LMLN: variants seen among roughly 807,000 people sequenced by gnomAD.
The protein encoded by LMLN is leishmanolysin like peptidase.
Under a neutral mutation model 92.3 loss-of-function variants are expected in LMLN, and 70 were observed. The observed-to-expected ratio is 0.76, with a 90% CI of 0.63 to 0.92. The LOEUF (loss-of-function observed/expected upper bound fraction) is 0.92, where lower values mean the gene tolerates loss of function less well. Among genes scored for constraint, LMLN ranks in the 40% least tolerant of loss-of-function variants. The pLI, the probability that LMLN is intolerant of heterozygous loss-of-function variation, is 0.00. For synonymous variants in LMLN, 308 were observed against 296.2 expected, an observed-to-expected ratio of 1.04 and a Z score of -0.41; for missense variants, 691 against 814.6, an observed-to-expected ratio of 0.85 and a Z score of 1.85.
At chr3:198,015,593 T>G (rs1240810729) in intron 11 of LMLN, among the ~76,000 whole-genome samples, 5 of 137,104 alleles carry the variant, frequency 3.6e-5, no homozygotes, top group Admixed American at 1.4e-4. Context: ...GCCCCCTAAC[T>G]AGTCTGACTT....
Position 197,976,664 on chromosome 3 carries a change from T to A in LMLN, c.498T>A (p.Cys166Ter). Reference sequence around the variant, plus strand: ...CTCACAGGTACTGCACCGGGGAGTGTGCCGCACACACAAAGTGCGGCCCCG... The same window carrying A: ...CTCACAGGTACTGCACCGGGGAGTGAGCCGCACACACAAAGTGCGGCCCCG... Residue 166 changes from cysteine (C) to a stop codon, truncating the protein, a stop_gained, in exon 5 of 16, where the codon TGT (cysteine) becomes TGA (stop). Coordinates refer to ENST00000330198, the Ensembl canonical transcript of LMLN. LOFTEE classifies it high-confidence loss of function. The A allele has an allele frequency of 6.3e-7, 1 of 1,593,238 alleles. No homozygotes were observed. The highest frequency in any genetic ancestry group is 1.1e-5 in the South Asian group (1 of 88,934).
chr3:197,968,149 AT>A (rs1343838350), intron 1 of LMLN, among the ~76,000 whole-genome samples: 2 of 152,228 alleles, frequency 1.3e-5, no homozygotes, highest in Admixed American at 6.5e-5. Context: ...AGATTAAGAG[AT>A]TAAAGTAAGA....
At chr3:197,962,367 C>T (rs1034603423) in intron 1 of LMLN, among the ~76,000 whole-genome samples, 1 of 152,090 alleles carries the variant, frequency 6.6e-6, no homozygotes, top group Non-Finnish European at 1.5e-5. Flanking sequence ...TTTGTTTTTC[C>T]GTTATCTTGT....
chr3:197,992,051 G>C (rs569071787), intron 9 of LMLN, among the ~76,000 whole-genome samples: 1 of 148,378 alleles, frequency 6.7e-6, no homozygotes, highest in Admixed American at 6.7e-5. Context: ...TAGTAGAGAC[G>C]GGGGTTTCAC....
At chr3:198,005,638 CTTT>C (rs745643545) in intron 11 of LMLN, among the ~76,000 whole-genome samples, 4 of 140,568 alleles carry the variant, frequency 2.8e-5, no homozygotes, top group East Asian at 2.1e-4. Flanking sequence ...TTTTCTTTTT[CTTT>C]TTTTTTTTTT....
Position 198,010,525 on chromosome 3 carries a change from A to G in LMLN, c.1233-8728A>G, listed in dbSNP as rs565413466. Among the ~76,000 whole-genome samples, 11 of 152,214 alleles carry G rather than the reference A, an allele frequency of 7.2e-5. No individual in the cohort carries two copies. In the East Asian group the frequency reaches 1.9e-3, roughly 27 times the overall value. On this transcript the variant is annotated intron_variant, in intron 11 of 15. Transcript: ENST00000330198. ...TACAATGGGTGCGATCATGAGGCTC[A>G]CTGCAGCCTTGACCTCCTGGGCTCA...
chr3:198,026,412 G>A (rs929413547), intron 14 of LMLN, among the ~76,000 whole-genome samples: 4 of 151,994 alleles, frequency 2.6e-5, no homozygotes, highest in African/African-American at 9.7e-5. Context: ...TCCACCTCCC[G>A]GTTCCAGAGA....
intron 11 of LMLN, among the ~76,000 whole-genome samples, chr3:198,005,083 ATC>A (rs1722255259): frequency 8.5e-5 from 1 of 11,696 alleles, no homozygotes; most frequent in African/African-American, 1.7e-4. Flanking sequence ...TTTGACATCT[ATC>A]TATATATCAT....
At chr3:198,015,757 C>T (rs901119997) in intron 11 of LMLN, among the ~76,000 whole-genome samples, 3 of 152,188 alleles carry the variant, frequency 2.0e-5, no homozygotes, top group Admixed American at 1.3e-4. Flanking sequence ...GACTTCTCTC[C>T]ACCCTTCAGA....
In LMLN at chr3:198,019,878, C is replaced by T. The variant is rs893925384; in HGVS notation, c.1365+493C>T. On this transcript the variant is annotated intron_variant, in intron 12 of 15. Transcript: ENST00000330198. The surrounding 1 kb of genome is among the most constrained non-coding windows in gnomAD (Gnocchi z 5.5). Reference sequence around the variant, plus strand: ...TCTTTTTATCTTTTATCTTTTTTTCCGAGACCGAGTCTCACTCTGTCGCCC... The same window carrying T: ...TCTTTTTATCTTTTATCTTTTTTTCTGAGACCGAGTCTCACTCTGTCGCCC... 7.2e-5 allele frequency among the ~76,000 whole-genome samples: 11 copies of T among 151,784 alleles called. No homozygotes were observed. Among genetic ancestry groups the T allele is most frequent in the African/African-American group, 2.7e-4 (11 of 41,348 alleles).
intron 12 of LMLN, among the ~76,000 whole-genome samples, chr3:198,020,766 GTATTTTTTT>G (rs1722756020): frequency 3.9e-5 from 1 of 25,644 alleles, no homozygotes; most frequent in African/African-American, 1.8e-4. Flanking sequence ...GCTAATTTTT[GTATTTTTTT>G]TTTTTTTTTT....
rs749690580 is a variant in LMLN, at chr3:197,976,049, G to A, written c.369G>A (p.Ala123=). Residue 123 remains alanine (A), a synonymous_variant, in exon 4 of 16, where the codon GCG becomes GCA. Coordinates refer to ENST00000330198, the Ensembl canonical transcript of LMLN. ...TTTAGAACAAGCTTTTCCCACAAGC[G>A]ATTTCTTATTTAGAGAAGACTTTTC... The A allele has an allele frequency of 2.4e-5, 39 of 1,595,436 alleles. No homozygotes were observed. In the South Asian group the frequency reaches 2.7e-4, roughly 11 times the overall value.
chr3:198,034,375 C>T (rs986485117), intron 14 of LMLN, among the ~76,000 whole-genome samples: 3 of 151,932 alleles, frequency 2.0e-5, no homozygotes, highest in South Asian at 2.1e-4. Context: ...TTTGGGAGGC[C>T]GAGGCGGGCA....
At chr3:197,977,968 TTATC>T (rs1560136387) in intron 5 of LMLN, among the ~76,000 whole-genome samples, 4 of 151,886 alleles carry the variant, frequency 2.6e-5, no homozygotes, top group Admixed American at 6.6e-5. Flanking sequence ...CATATAAAAA[TTATC>T]AAACAATCTG....
chr3:198,024,360 C>T (rs1560154289), intron 13 of LMLN, among the ~76,000 whole-genome samples: 1 of 151,762 alleles, frequency 6.6e-6, no homozygotes, highest in Non-Finnish European at 1.5e-5. Context: ...GGACTACAGG[C>T]GCCCGCCACC....
At chr3:197,971,725 C>CA (rs1166540377) in intron 1 of LMLN, among the ~76,000 whole-genome samples, 2 of 152,110 alleles carry the variant, frequency 1.3e-5, no homozygotes, top group African/African-American at 4.8e-5. Flanking sequence ...GCTGGGATTA[C>CA]AGGCATGAAC....
chr3:198,017,343 C>T (rs528601437), intron 11 of LMLN, among the ~76,000 whole-genome samples: 12 of 151,732 alleles, frequency 7.9e-5, no homozygotes, highest in Non-Finnish European at 1.5e-4. Context: ...TTCTGGGCTT[C>T]GTCATTTGTG....
At chr3:197,961,583 A>T (rs897007263) in intron 1 of LMLN, among the ~76,000 whole-genome samples, 2 of 152,188 alleles carry the variant, frequency 1.3e-5, no homozygotes, top group Admixed American at 1.3e-4. Context: ...AAAATAAGAG[A>T]AAGAGTCCTG....
intron 10 of LMLN, 27 bp downstream of exon 10, chr3:197,996,309 A>G: frequency 1.5e-6 from 2 of 1,322,846 alleles, no homozygotes. Context: ...ATTTTCCTAG[A>G]CTTTATTTAA....
Sources: gnomAD v4.1 joint callset for allele counts (sites outside exome capture counted in the v4.1 genomes callset) on GRCh38, gnomAD v4.1.1 for gene constraint, Gnocchi (gnomAD v3.1) non-coding constraint, MANE v1.5 for transcripts, NCBI Gene and HGNC (gene_info 2026-07-23, HGNC 2026-07-21) for gene names.